ADGRA3: variants seen among roughly 807,000 people sequenced by gnomAD.
The protein encoded by ADGRA3 is G-protein coupled receptor 125.
Under a neutral mutation model 119.8 loss-of-function variants are expected in ADGRA3, and 56 were observed. That is an observed-to-expected ratio of 0.47 (90% CI 0.38 to 0.58). The LOEUF is 0.58. Among genes scored for constraint, ADGRA3 ranks in the 20% least tolerant of loss-of-function variants. ADGRA3 has a pLI of 0.00. For missense variants in ADGRA3, 1,516 were observed against 1,649.0 expected (o/e 0.92, Z 1.40); for synonymous variants, 607 against 623.8 (o/e 0.97, Z 0.40).
intron 2 of ADGRA3, among the ~76,000 whole-genome samples, chr4:22,465,737 T>C (rs1000801528): frequency 5.3e-5 from 8 of 152,204 alleles, no homozygotes; most frequent in Non-Finnish European, 1.2e-4. Flanking sequence ...GTGGCCAGGA[T>C]TTAAGTGTAT....
chr4:22,403,985 T>C (rs1714783179), intron 14 of ADGRA3, among the ~76,000 whole-genome samples: 1 of 152,164 alleles, frequency 6.6e-6, no homozygotes, highest in Non-Finnish European at 1.5e-5. Flanking sequence ...ATGCAGACAC[T>C]GCCTCTCCGA....
rs1242277818 is a variant in ADGRA3 at position 22,473,863 on chromosome 4, T to C, written c.258-20A>G. 6.7e-7 allele frequency: 1 copy of C among 1,503,170 alleles called. No individual in the cohort carries two copies. Among genetic ancestry groups the C allele is most frequent in the African/African-American group, 1.4e-5 (1 of 72,638 alleles). The allele number at this position is 1,503,170 out of a possible 1,614,324, so 93.1% of individuals were successfully genotyped here. A position where few individuals can be genotyped will look rare whatever the true frequency, so the allele number is the denominator to read the frequency against. ...AGAATCCTAAAAAATACCAAAAAAA[T>C]AATAAGTTGCCTAATATACACTACC... On this transcript the variant is annotated intron_variant, in intron 1 of 18. Transcript: ENST00000334304.
At chr4:22,432,344 A>C (rs879745707) in intron 10 of ADGRA3, among the ~76,000 whole-genome samples, 1 of 152,180 alleles carries the variant, frequency 6.6e-6, no homozygotes, top group African/African-American at 2.4e-5. Context: ...AAATCCAGCA[A>C]GTGATTCTGA....
At chr4:22,475,353 C>T (rs907269286) in intron 1 of ADGRA3, among the ~76,000 whole-genome samples, 9 of 152,304 alleles carry the variant, frequency 5.9e-5, no homozygotes, top group African/African-American at 1.7e-4. Context: ...TGTTTTCTGA[C>T]GTGTCAACTC....
intron 14 of ADGRA3, among the ~76,000 whole-genome samples, chr4:22,410,932 T>C (rs1715174103): frequency 6.6e-6 from 1 of 152,320 alleles, no homozygotes; most frequent in African/African-American, 2.4e-5. Context: ...GAATTGTGTA[T>C]TACATTTTTT....
intron 10 of ADGRA3, among the ~76,000 whole-genome samples, chr4:22,430,449 C>T (rs1386474567): frequency 6.6e-6 from 1 of 152,136 alleles, no homozygotes; most frequent in Non-Finnish European, 1.5e-5. Flanking sequence ...CTTGTTTCAT[C>T]TTAGCAAAGA....
chr4:22,399,605 A>G (rs970835424), intron 16 of ADGRA3, among the ~76,000 whole-genome samples: 1 of 151,938 alleles, frequency 6.6e-6, no homozygotes, highest in African/African-American at 2.4e-5. Flanking sequence ...CCAGCTGACA[A>G]GGCACATCAT....
At position 22,388,886 on chromosome 4, in the gene ADGRA3, A is replaced by G. The variant is rs200130550; in HGVS notation, c.2785T>C (p.Phe929Leu). The change falls in exon 19 of 19, where the codon TTT (phenylalanine) becomes CTT (leucine). Residue 929 changes from phenylalanine (F) to leucine (L), a missense_variant. By Grantham distance (22) the Phe-to-Leu change is conservative. Transcript: ENST00000334304. The stretch of plus-strand genomic sequence containing the variant: ...CTCAGAAAGTACATGCAGTTTACAA[A>G]AGTGATGAAGCTGGCTGGCCCATAG... ...AFYGPASFIT[F>L]VNCMYFLSIF... The G allele has an allele frequency of 5.3e-5, 85 of 1,614,122 alleles. No individual in the cohort carries two copies. The African/African-American group carries it at 1.1e-3, about 20-fold the overall frequency.
chr4:22,399,058 T>C lies in ADGRA3; in HGVS notation c.2481+2373A>G, dbSNP rs11737730. Among the ~76,000 whole-genome samples, 1,075 of 152,318 alleles carry C rather than the reference T, an allele frequency of 7.1e-3. 8 individuals carry two copies. Among genetic ancestry groups the C allele is most frequent in the Non-Finnish European group, 0.013 (867 of 68,016 alleles). On this transcript the variant is annotated intron_variant, in intron 16 of 18. Transcript: ENST00000334304. Reference sequence around the variant, plus strand: ...CATTGTCAGGCTTAACTTCTGCTGATGGAAAAGGCATAAAATGGTAACTAA... The same window carrying C: ...CATTGTCAGGCTTAACTTCTGCTGACGGAAAAGGCATAAAATGGTAACTAA...
rs1355458789 is a variant in ADGRA3 at position 22,388,392 on chromosome 4, A to C, written c.3279T>G (p.Ser1093Arg). ...NGEAPKCPNS[S>R]AESSCTNKSA... ...TTTTGTTTGTGCATGAAGACTCCGC[A>C]CTGCTATTGGGGCATTTGGGTGCCT... is the stretch of plus-strand genomic sequence containing the variant. Residue 1093 changes from serine to arginine, a missense_variant, in exon 19 of 19, where the codon AGT becomes AGG. By Grantham distance (110) the Ser-to-Arg change is moderately radical. Transcript: ENST00000334304. 6.2e-7 allele frequency: 1 copy of C among 1,614,064 alleles called. No homozygotes were observed. The highest frequency in any genetic ancestry group is 8.5e-7 in the Non-Finnish European group (1 of 1,179,998).
chr4:22,463,371 C>T (rs1481454338), intron 2 of ADGRA3, among the ~76,000 whole-genome samples: 2 of 152,232 alleles, frequency 1.3e-5, no homozygotes, highest in Non-Finnish European at 2.9e-5. Context: ...CCCTGGACCA[C>T]TGGCGCCACC....
Position 22,450,402 on chromosome 4 carries a change from A to C in ADGRA3, c.474-2891T>G, listed in dbSNP as rs190139708. On this transcript the variant is annotated intron_variant, in intron 4 of 18. Transcript: ENST00000334304. Reference sequence around the variant, plus strand: ...TGCCTCAGCCTCCGGAGTAGCTGGGATTACAGGTACATGCCACCAGGCCTG... The same window carrying C: ...TGCCTCAGCCTCCGGAGTAGCTGGGCTTACAGGTACATGCCACCAGGCCTG... 4.7e-4 allele frequency among the ~76,000 whole-genome samples: 71 copies of C among 151,906 alleles called. 1 individual carries two copies. The highest frequency in any genetic ancestry group is 3.9e-3 in the Admixed American group (59 of 15,264).
In ADGRA3 at chr4:22,445,271, G is replaced by A. The variant is rs184126646; in HGVS notation, c.546-138C>T. 4.6e-4 allele frequency: 329 copies of A among 719,270 alleles called. No individual in the cohort carries two copies. In the African/African-American group the frequency reaches 5.1e-3, roughly 11 times the overall value. 44.6% of individuals were successfully genotyped at this position (719,270 alleles called of 1,614,324 possible). ...TGCCTAAAGTACATTTCATCAACTA[G>A]CTACAGTTTCTCTCCAAGGAGCTGA... On this transcript the variant is annotated intron_variant, in intron 5 of 18. Transcript: ENST00000334304.
intron 12 of ADGRA3, chr4:22,414,507 A>G (rs1715354212): frequency 3.2e-6 from 2 of 621,578 alleles, no homozygotes; most frequent in South Asian, 3.9e-5. Flanking sequence ...GTGAACAATT[A>G]ACCATCTAAA....
intron 10 of ADGRA3, among the ~76,000 whole-genome samples, chr4:22,427,951 A>G (rs999607320): frequency 6.6e-6 from 1 of 152,208 alleles, no homozygotes; most frequent in African/African-American, 2.4e-5. Context: ...AAAATGGGGA[A>G]GAAACAAATG....
intron 1 of ADGRA3, among the ~76,000 whole-genome samples, chr4:22,489,001 G>A (rs1348597321): frequency 6.6e-6 from 1 of 152,138 alleles, no homozygotes; most frequent in African/African-American, 2.4e-5. Context: ...AGTTTATGTT[G>A]GGAATTGTGT....
intron 1 of ADGRA3, among the ~76,000 whole-genome samples, chr4:22,498,587 CAGCCTA>C (rs1718931617): frequency 6.6e-6 from 1 of 151,712 alleles, no homozygotes. Context: ...CACTGCAATC[CAGCCTA>C]AGCAATGAGC....
chr4:22,400,749 T>A (rs1291714284), intron 16 of ADGRA3, among the ~76,000 whole-genome samples: 1 of 151,962 alleles, frequency 6.6e-6, no homozygotes, highest in Non-Finnish European at 1.5e-5. Context: ...TTAAACAGAT[T>A]GCCCATAGAA....
chr4:22,392,695 A>G lies in ADGRA3; in HGVS notation c.2482-5T>C, dbSNP rs528359293. The G allele has an allele frequency of 7.5e-6, 12 of 1,600,520 alleles. No individual in the cohort carries two copies. The highest frequency in any genetic ancestry group is 1.0e-5 in the Non-Finnish European group (12 of 1,176,086). On this transcript the variant is annotated splice_region_variant and splice_polypyrimidine_tract_variant and intron_variant, in intron 16 of 18. Coordinates refer to ENST00000334304, the MANE Select transcript of ADGRA3 (RefSeq NM_145290.4). ...ATAGTGAAGAATTATCCCAACCTAC[A>G]AGGAAGATCAAAGAATAAATAAAAG...
Sources: gnomAD v4.1 joint callset for allele counts (sites outside exome capture counted in the v4.1 genomes callset) on GRCh38, gnomAD v4.1.1 for gene constraint, MANE v1.5 for transcripts, NCBI Gene and HGNC (gene_info 2026-07-23, HGNC 2026-07-21) for gene names.